Variants in EMC3 observed in about 807,000 individuals in gnomAD.
The protein encoded by EMC3 is ER membrane protein complex subunit 3, also known as 30 kDa protein.
EMC3 carries 13 observed loss-of-function variants against 36.6 expected under a neutral mutation model. The observed-to-expected ratio is 0.35, with a 90% CI of 0.23 to 0.56. The LOEUF (loss-of-function observed/expected upper bound fraction) is 0.56. EMC3 is among the 20% of genes least tolerant of loss of function. The pLI is 0.84. For missense variants in EMC3, 220 were observed against 324.5 expected, an observed-to-expected ratio of 0.68 and a Z score of 2.47; for synonymous variants, 120 against 111.9, an observed-to-expected ratio of 1.07 and a Z score of -0.46.
chr3:9,970,128 C>T (rs2085770310), intron 6 of EMC3, among the ~76,000 whole-genome samples: 1 of 152,190 alleles, frequency 6.6e-6, no homozygotes, highest in Non-Finnish European at 1.5e-5. Context: ...TCCTAACAAC[C>T]CCACAGGTTA....
chr3:9,965,712 C>G (rs894122469), intron 7 of EMC3, among the ~76,000 whole-genome samples: 1 of 152,116 alleles, frequency 6.6e-6, no homozygotes, highest in Non-Finnish European at 1.5e-5. Flanking sequence ...CGTTATCTTC[C>G]GTATCTTTTT....
At chr3:9,974,946 C>T (rs182984965) in intron 3 of EMC3, among the ~76,000 whole-genome samples, 104 of 150,806 alleles carry the variant, frequency 6.9e-4, no homozygotes, top group African/African-American at 2.4e-3. Context: ...CTGCAACCTC[C>T]GCCTCCCAGG....
chr3:9,994,783 C>G (rs9834532), intron 1 of EMC3, among the ~76,000 whole-genome samples: 3,748 of 152,026 alleles, frequency 0.025, 172 homozygotes, highest in African/African-American at 0.086. Context: ...TGTTGGCCAT[C>G]CTGGTCTCGA....
chr3:9,993,110 G>T (rs778606566), intron 1 of EMC3: 340 of 725,242 alleles, frequency 4.7e-4, no homozygotes, highest in Non-Finnish European at 7.2e-4. Flanking sequence ...CAAACCCATT[G>T]AAATTTTTGA....
intron 1 of EMC3, among the ~76,000 whole-genome samples, chr3:9,985,940 A>G (rs1221946541): frequency 6.6e-6 from 1 of 152,158 alleles, no homozygotes; most frequent in East Asian, 1.9e-4. Context: ...CTGCAATGAA[A>G]TATGTGAGGA....
intron 3 of EMC3, among the ~76,000 whole-genome samples, chr3:9,976,204 T>G (rs2085848359): frequency 1.3e-5 from 2 of 152,022 alleles, no homozygotes; most frequent in Admixed American, 1.3e-4. Context: ...CCTCCCAGGT[T>G]CAAGCAATTT....
At chr3:9,990,035 T>G (rs1388238164), upstream of EMC3, among the ~76,000 whole-genome samples, 2 of 151,722 alleles carry the variant, frequency 1.3e-5, no homozygotes, top group Non-Finnish European at 2.9e-5. Flanking sequence ...TCTCTTTTTT[T>G]TTTGAGACAG....
chr3:9,985,386 T>A (rs975331935), intron 1 of EMC3, among the ~76,000 whole-genome samples: 1 of 152,206 alleles, frequency 6.6e-6, no homozygotes, highest in Non-Finnish European at 1.5e-5. Context: ...ATAGTAGCAC[T>A]TACCTGAGAT....
chr3:10,003,239 T>C, intron 1 of EMC3: 1 of 456,594 alleles, frequency 2.2e-6, no homozygotes, highest in Admixed American at 2.3e-5. Context: ...GCCAGTGTCA[T>C]TCAGGCTGGG....
At chr3:9,965,432 AGATAGAT>A (rs1401731569) in intron 7 of EMC3, among the ~76,000 whole-genome samples, 1 of 151,528 alleles carries the variant, frequency 6.6e-6, no homozygotes, top group Non-Finnish European at 1.5e-5. Flanking sequence ...ATAGATAGAT[AGATAGAT>A]AGATAGATAG....
chr3:9,978,007 T>C (rs1359609798), intron 1 of EMC3, among the ~76,000 whole-genome samples: 2 of 151,854 alleles, frequency 1.3e-5, no homozygotes, highest in African/African-American at 2.4e-5. Context: ...AGAGCCATAG[T>C]TGATCAATAA....
At chr3:10,007,306 G>A (rs753372605) in intron 1 of EMC3, 115 of 1,288,702 alleles carry the variant, frequency 8.9e-5, no homozygotes, top group Non-Finnish European at 7.3e-5. Context: ...TTTTCAGAAG[G>A]ACCAGCAGCC....
intron 3 of EMC3, among the ~76,000 whole-genome samples, chr3:9,975,275 T>G (rs540388185): frequency 6.6e-6 from 1 of 152,354 alleles, no homozygotes; most frequent in Non-Finnish European, 1.5e-5. Flanking sequence ...TAAATGATGC[T>G]GCCGACAATT....
At chr3:10,006,211 A>G (rs1247542954) in intron 1 of EMC3, among the ~76,000 whole-genome samples, 2 of 152,238 alleles carry the variant, frequency 1.3e-5, no homozygotes, top group Non-Finnish European at 2.9e-5. Flanking sequence ...TGAGAAGTCC[A>G]AGCTGAGAAG....
At chr3:10,008,333 G>A (rs2086286692) in intron 1 of EMC3, 1 of 1,219,062 alleles carries the variant, frequency 8.2e-7, no homozygotes, top group Non-Finnish European at 1.1e-6. Context: ...TGGGTCAAGG[G>A]ACTATAGGGA....
chr3:9,973,606 T>C, intron 5 of EMC3, 22 bp downstream of exon 5: 3 of 1,609,140 alleles, frequency 1.9e-6, no homozygotes, highest in Non-Finnish European at 2.6e-6. Flanking sequence ...TGTGTTTTTA[T>C]TAAACAAAAG....
upstream of EMC3, among the ~76,000 whole-genome samples, chr3:9,991,629 C>G (rs1294261301): frequency 2.0e-5 from 3 of 152,062 alleles, no homozygotes; most frequent in African/African-American, 4.8e-5. Flanking sequence ...ATCCTCCCTC[C>G]TCAGCCTCCC....
At chr3:9,977,314 C>T in intron 2 of EMC3, 75 bp downstream of exon 2, 2 of 1,384,724 alleles carry the variant, frequency 1.4e-6, no homozygotes, top group South Asian at 2.6e-5. Context: ...TCCCCAGAGC[C>T]CCCTTATAAA....
chr3:10,009,820 G>C lies in EMC3; in HGVS notation c.-242+1203C>G, dbSNP rs574266884. ...GGGTGTCTGTGTAGCCGGGGCCCCA[G>C]AACCATGTCTGCGTGGAAAGGGCCC... On this transcript the variant is annotated intron_variant, in intron 1 of 8. Transcript: ENST00000470827. The C allele has an allele frequency of 2.0e-5, 3 of 152,396 alleles. No individual in the cohort carries two copies. The South Asian group carries it at 6.2e-4, about 32-fold the overall frequency. 9.4% of individuals were successfully genotyped at this position (152,396 alleles called of 1,614,324 possible). A position where few individuals can be genotyped will look rare whatever the true frequency, so the allele number is the denominator to read the frequency against.
Sources: gnomAD v4.1 joint callset for allele counts (sites outside exome capture counted in the v4.1 genomes callset) on GRCh38, gnomAD v4.1.1 for gene constraint, MANE v1.5 for transcripts, NCBI Gene and HGNC (gene_info 2026-07-23, HGNC 2026-07-21) for gene names.